The following KCNK9 variants were observed in gnomAD, a reference collection of about 807,000 sequenced individuals.
KCNK9 encodes potassium two pore domain channel subfamily K member 9.
In KCNK9, 1 loss-of-function variant was observed where a neutral mutation model predicts 10.8. That is an observed-to-expected ratio of 0.09 (90% CI 0.03 to 0.44). The LOEUF (loss-of-function observed/expected upper bound fraction) is 0.44. Ranked by LOEUF, KCNK9 falls within the 20% of genes least tolerant of loss-of-function variation. The probability of loss-of-function intolerance (pLI) is 0.97; values close to 1 mark genes in which losing one functional copy is unlikely to be tolerated. For synonymous variants in KCNK9, 231 were observed against 222.7 expected, an observed-to-expected ratio of 1.04 and a Z score of -0.33; for missense variants, 303 against 515.0, an observed-to-expected ratio of 0.59 and a Z score of 3.98.
intron 1 of KCNK9, among the ~76,000 whole-genome samples, chr8:139,656,441 G>C (rs1816023032): frequency 6.6e-6 from 1 of 152,086 alleles, no homozygotes; most frequent in Non-Finnish European, 1.5e-5. Flanking sequence ...CCTCGGCCTG[G>C]AGTGCCCTTC....
downstream of KCNK9, among the ~76,000 whole-genome samples, chr8:139,608,145 C>G (rs537694015): frequency 6.6e-6 from 1 of 152,326 alleles, no homozygotes; most frequent in East Asian, 1.9e-4. Context: ...CTGACTCACC[C>G]TTCTGTCTTC....
intron 1 of KCNK9, among the ~76,000 whole-genome samples, chr8:139,630,319 C>T (rs187967409): frequency 6.6e-6 from 1 of 152,244 alleles, no homozygotes; most frequent in African/African-American, 2.4e-5. Flanking sequence ...GCTTTGTGGG[C>T]GCTGGAAGGA....
intron 1 of KCNK9, among the ~76,000 whole-genome samples, chr8:139,633,313 T>A (rs1160336968): frequency 6.6e-6 from 1 of 152,134 alleles, no homozygotes; most frequent in Non-Finnish European, 1.5e-5. Flanking sequence ...CTTATCTAAC[T>A]ATAGTAAACA....
chr8:139,617,157 C>A lies in KCNK9; in HGVS notation c.*1101G>T, dbSNP rs1814623781. 6.6e-6 allele frequency among the ~76,000 whole-genome samples: 1 copy of A among 152,114 alleles called. No homozygotes were observed. The highest frequency in any genetic ancestry group is 2.4e-5 in the African/African-American group (1 of 41,408). ...AGATATGTATTTTTAATGAGGAATG[C>A]CCTGTCAATTTTCATGAGGAAAAGG... is the stretch of plus-strand genomic sequence containing the variant. On this transcript the variant is annotated 3_prime_UTR_variant, in exon 2 of 2. Transcript: ENST00000520439.
intron 1 of KCNK9, among the ~76,000 whole-genome samples, chr8:139,691,132 G>A (rs973521742): frequency 6.6e-6 from 1 of 152,278 alleles, no homozygotes; most frequent in Non-Finnish European, 1.5e-5. Flanking sequence ...GAGCCAGTCG[G>A]CTGGGTCAGA....
downstream of KCNK9, among the ~76,000 whole-genome samples, chr8:139,609,891 C>G (rs1044053214): frequency 6.4e-4 from 97 of 152,120 alleles, no homozygotes; most frequent in Non-Finnish European, 7.5e-4. Context: ...TGGAGTGGGC[C>G]TTGGTAGCTT....
intron 1 of KCNK9, among the ~76,000 whole-genome samples, chr8:139,672,402 TCAGA>T (rs1816449623): frequency 6.6e-6 from 1 of 152,164 alleles, no homozygotes; most frequent in South Asian, 2.1e-4. Flanking sequence ...AATTAACTGC[TCAGA>T]CAATGTTCTG....
chr8:139,650,237 G>C (rs112170030), intron 1 of KCNK9, among the ~76,000 whole-genome samples: 4 of 152,198 alleles, frequency 2.6e-5, no homozygotes, highest in African/African-American at 4.8e-5. Flanking sequence ...GACTGTAGGG[G>C]TGAGGTGGGA....
At chr8:139,630,992 C>T (rs1462104455) in intron 1 of KCNK9, among the ~76,000 whole-genome samples, 1 of 152,212 alleles carries the variant, frequency 6.6e-6, no homozygotes, top group African/African-American at 2.4e-5. Flanking sequence ...TCAGGGGCTC[C>T]GCTCCCTGCA....
chr8:139,619,185 G>A, intron 1 of KCNK9, 86 bp from the exon 2 acceptor site: 2 of 1,444,768 alleles, frequency 1.4e-6, no homozygotes, highest in Non-Finnish European at 1.9e-6. Flanking sequence ...TTGGTGCAGT[G>A]CAGTGCAATG....
At chr8:139,683,578 AGAC>A (rs900013249) in intron 1 of KCNK9, among the ~76,000 whole-genome samples, 7 of 152,318 alleles carry the variant, frequency 4.6e-5, no homozygotes, top group African/African-American at 1.7e-4. Context: ...ACTAAAGCCC[AGAC>A]GGGGAAGCCA....
chr8:139,632,138 G>T (rs1815192713), intron 1 of KCNK9, among the ~76,000 whole-genome samples: 1 of 152,166 alleles, frequency 6.6e-6, no homozygotes, highest in East Asian at 1.9e-4. Context: ...GATCACCTGG[G>T]ATTTGCCGCA....
intron 1 of KCNK9, among the ~76,000 whole-genome samples, chr8:139,623,259 G>A (rs1814851042): frequency 6.6e-6 from 1 of 152,214 alleles, no homozygotes; most frequent in Non-Finnish European, 1.5e-5. Flanking sequence ...CTCAAGTCCT[G>A]AGAAACCATT....
chr8:139,667,859 C>T (rs981170972), intron 1 of KCNK9, among the ~76,000 whole-genome samples: 3 of 150,076 alleles, frequency 2.0e-5, no homozygotes, highest in Admixed American at 6.7e-5. Context: ...CCAGCCTGGG[C>T]GACAGAGCAA....
intron 2 of KCNK9, among the ~76,000 whole-genome samples, chr8:139,607,445 C>T (rs531159653): frequency 2.0e-5 from 3 of 152,164 alleles, no homozygotes; most frequent in Middle Eastern, 3.2e-3. Context: ...AAGGGGCCCC[C>T]GGGAGCTGCC....
intron 1 of KCNK9, among the ~76,000 whole-genome samples, chr8:139,633,950 C>A (rs188299308): frequency 6.6e-6 from 1 of 152,248 alleles, no homozygotes; most frequent in African/African-American, 2.4e-5. Flanking sequence ...CTATTCGCAT[C>A]GAGCCTGTCC....
At chr8:139,619,458 A>T (rs1453065397) in intron 1 of KCNK9, among the ~76,000 whole-genome samples, 36 of 152,282 alleles carry the variant, frequency 2.4e-4, no homozygotes, top group Non-Finnish European at 3.7e-4. Flanking sequence ...GAGCCACATA[A>T]AGGCTTTAAA....
chr8:139,664,059 C>A (rs1311388866), intron 1 of KCNK9, among the ~76,000 whole-genome samples: 7 of 152,156 alleles, frequency 4.6e-5, no homozygotes, highest in Non-Finnish European at 8.8e-5. Flanking sequence ...AGGGACCGAT[C>A]AAGCCGCCTG....
In KCNK9 at chr8:139,677,872, G is replaced by A. The variant is rs76318522; in HGVS notation, c.283+24838C>T. Among the ~76,000 whole-genome samples, 138 of 42,094 alleles carry A rather than the reference G, an allele frequency of 3.3e-3. 1 individual carries two copies. The highest frequency in any genetic ancestry group is 7.7e-3 in the African/African-American group (124 of 16,184). 27.6% of individuals were successfully genotyped at this position (42,094 alleles called of 152,430 possible). A position where few individuals can be genotyped will look rare whatever the true frequency, so the allele number is the denominator to read the frequency against. On this transcript the variant is annotated intron_variant, in intron 1 of 1. Transcript: ENST00000520439. ...ACATCCCAGCCCAAGGGGTCCCCAT[G>A]GCTGCAGAGGAATGCCTCACATCTG...
Sources: gnomAD v4.1 joint callset for allele counts (sites outside exome capture counted in the v4.1 genomes callset) on GRCh38, gnomAD v4.1.1 for gene constraint, MANE v1.5 for transcripts, NCBI Gene and HGNC (gene_info 2026-07-23, HGNC 2026-07-21) for gene names.